Variants in ACVR1C observed in about 807,000 individuals in gnomAD.
ACVR1C encodes activin receptor type-1C.
A neutral mutation model predicts 57.9 loss-of-function variants in ACVR1C; 23 were observed. The ratio of observed to expected loss-of-function variants is 0.40; its 90% CI spans 0.29 to 0.56. ACVR1C has a LOEUF of 0.56. Among genes scored for constraint, ACVR1C ranks in the 20% least tolerant of loss-of-function variants. The pLI is 0.50. For synonymous variants in ACVR1C, 214 were observed against 215.3 expected, an observed-to-expected ratio of 0.99 and a Z score of 0.05; for missense variants, 480 against 607.9, an observed-to-expected ratio of 0.79 and a Z score of 2.21.
intron 1 of ACVR1C, among the ~76,000 whole-genome samples, chr2:157,591,059 C>G (rs7601153): frequency 0.44 from 67,169 of 151,762 alleles, 15,834 homozygotes; most frequent in African/African-American, 0.6. Flanking sequence ...ACTACCGAAG[C>G]GGGTAAAGTC....
chr2:157,621,812 T>C (rs1446410122), intron 1 of ACVR1C, among the ~76,000 whole-genome samples: 1 of 152,186 alleles, frequency 6.6e-6, no homozygotes, highest in Non-Finnish European at 1.5e-5. Context: ...TGAATAGCCT[T>C]TCAATGGTTT....
intron 1 of ACVR1C, among the ~76,000 whole-genome samples, chr2:157,593,187 T>C (rs1040865442): frequency 1.3e-5 from 2 of 152,194 alleles, no homozygotes; most frequent in Non-Finnish European, 2.9e-5. Context: ...TTACATGTGA[T>C]GGCTAGCACA....
At chr2:157,599,910 G>T (rs866696569) in intron 1 of ACVR1C, among the ~76,000 whole-genome samples, 19 of 152,160 alleles carry the variant, frequency 1.2e-4, no homozygotes, top group African/African-American at 4.6e-4. Context: ...GAGACTTGGG[G>T]TTCTAATCCT....
intron 1 of ACVR1C, among the ~76,000 whole-genome samples, chr2:157,614,884 A>G (rs1682607101): frequency 6.6e-6 from 1 of 152,090 alleles, no homozygotes. Context: ...TTTGTATTTA[A>G]AGTGCATTTC....
At chr2:157,611,393 G>A (rs937725449) in intron 1 of ACVR1C, among the ~76,000 whole-genome samples, 1 of 152,182 alleles carries the variant, frequency 6.6e-6, no homozygotes, top group African/African-American at 2.4e-5. Flanking sequence ...AGGTGGGTCG[G>A]TCTTTAGGCA....
Position 157,533,682 on chromosome 2 carries a change from ATGAGT to A in ACVR1C, c.*231_*235del, listed in dbSNP as rs1312687006. 2.3e-5 allele frequency: 6 copies of A among 262,498 alleles called. No individual in the cohort carries two copies. The highest frequency in any genetic ancestry group is 1.1e-4 in the African/African-American group (5 of 45,318). The allele number at this position is 262,498 out of a possible 1,614,324, so 16.3% of individuals were successfully genotyped here. On this transcript the variant is annotated 3_prime_UTR_variant, in exon 9 of 9. Transcript: ENST00000243349. ...TATTTCTTCCTTATTAAATAAAAAGATGAGTTGAGGTGTTGCTTTCAAAATAAAAT... is the reference window on the plus strand; with the variant it reads ...TATTTCTTCCTTATTAAATAAAAAGATGAGGTGTTGCTTTCAAAATAAAAT...
chr2:157,540,206 C>T (rs939668542), intron 7 of ACVR1C, among the ~76,000 whole-genome samples: 2 of 152,172 alleles, frequency 1.3e-5, no homozygotes. Flanking sequence ...CAAGGAATTG[C>T]TAAACCAACG....
At chr2:157,587,532 A>G in intron 1 of ACVR1C, 115 bp from the exon 2 acceptor site, 4 of 759,818 alleles carry the variant, frequency 5.3e-6, no homozygotes, top group Non-Finnish European at 8.6e-6. Flanking sequence ...GGTTTAAATA[A>G]AAACACTTGC....
chr2:157,627,369 C>A (rs374870215), intron 1 of ACVR1C, among the ~76,000 whole-genome samples: 2 of 152,238 alleles, frequency 1.3e-5, no homozygotes, highest in South Asian at 4.2e-4. Flanking sequence ...ATCATCTTTC[C>A]GACAGTCTTG....
intron 1 of ACVR1C, among the ~76,000 whole-genome samples, chr2:157,599,057 G>A (rs948016577): frequency 6.6e-6 from 1 of 151,868 alleles, no homozygotes; most frequent in Non-Finnish European, 1.5e-5. Flanking sequence ...TGAATAGGCC[G>A]GTCGCGGTGG....
At chr2:157,628,159 C>T (rs1342535995) in intron 1 of ACVR1C, among the ~76,000 whole-genome samples, 2 of 152,158 alleles carry the variant, frequency 1.3e-5, no homozygotes, top group Non-Finnish European at 2.9e-5. Flanking sequence ...CTCTCAGGGG[C>T]TTAGCACAGA....
intron 3 of ACVR1C, among the ~76,000 whole-genome samples, chr2:157,552,501 A>G (rs950573745): frequency 7.2e-5 from 11 of 152,200 alleles, no homozygotes; most frequent in African/African-American, 2.4e-4. Flanking sequence ...GCTAACAATT[A>G]TTAGGCCAAA....
At chr2:157,618,363 A>C (rs1459684260) in intron 1 of ACVR1C, among the ~76,000 whole-genome samples, 1 of 151,814 alleles carries the variant, frequency 6.6e-6, no homozygotes, top group Admixed American at 6.6e-5. Context: ...TATTTAGTCA[A>C]TTTAACCAAA....
chr2:157,546,581 ACT>A (rs1226750254), intron 4 of ACVR1C, among the ~76,000 whole-genome samples: 2 of 152,100 alleles, frequency 1.3e-5, no homozygotes, highest in Non-Finnish European at 2.9e-5. Flanking sequence ...TACAATCTTG[ACT>A]CTACCATAAA....
chr2:157,543,785 T>G (rs1687674499), intron 5 of ACVR1C, among the ~76,000 whole-genome samples: 1 of 152,184 alleles, frequency 6.6e-6, no homozygotes, highest in African/African-American at 2.4e-5. Context: ...CAAAATCATA[T>G]TATACTTTCC....
Position 157,587,255 on chromosome 2 carries a change from T to C in ACVR1C, c.236A>G (p.Asn79Ser). 11 of 1,613,730 alleles carry C rather than the reference T, an allele frequency of 6.8e-6. No individual in the cohort carries two copies. Among genetic ancestry groups the C allele is most frequent in the Non-Finnish European group, 9.3e-6 (11 of 1,179,690 alleles). ...GCAGCATTCGGTTTTGGTAACATTG[T>C]TGGAACTATGACAGAAGACTTGAGC... The part of the protein sequence containing the change: ...LNAQVFCHSS[N>S]NVTKTECCFT... The change falls in exon 2 of 9, where the codon AAC (asparagine) becomes AGC (serine). Residue 79 changes from asparagine to serine, a missense_variant. Asn to Ser is a conservative substitution (Grantham distance 46). Coordinates refer to ENST00000243349, the MANE Select transcript of ACVR1C (RefSeq NM_145259.3).
intron 1 of ACVR1C, among the ~76,000 whole-genome samples, chr2:157,592,788 C>A (rs1689076143): frequency 6.6e-6 from 1 of 151,600 alleles, no homozygotes; most frequent in Non-Finnish European, 1.5e-5. Context: ...TTGTCTCTTT[C>A]AAAAAAAACT....
At chr2:157,541,578 C>A (rs538981231) in intron 6 of ACVR1C, among the ~76,000 whole-genome samples, 1 of 152,330 alleles carries the variant, frequency 6.6e-6, no homozygotes, top group South Asian at 2.1e-4. Context: ...CAAGTTCTTG[C>A]AAGGGTGTTA....
intron 1 of ACVR1C, among the ~76,000 whole-genome samples, chr2:157,587,866 C>T (rs1318740099): frequency 6.6e-6 from 1 of 152,068 alleles, no homozygotes; most frequent in Non-Finnish European, 1.5e-5. Context: ...GCCCTCCTTC[C>T]TTTAAACTTT....
Sources: allele counts gnomAD v4.1 joint callset (sites outside exome capture counted in the v4.1 genomes callset), GRCh38; gene constraint gnomAD v4.1.1; transcripts MANE v1.5; gene names NCBI Gene and HGNC (gene_info 2026-07-23, HGNC 2026-07-21).